Variants in EIF2B3 observed in about 807,000 individuals in gnomAD.
EIF2B3 encodes the protein translation initiation factor eIF2B subunit gamma.
In EIF2B3, 20 loss-of-function variants were observed where a neutral mutation model predicts 54.1. That is an observed-to-expected ratio of 0.37 (90% CI 0.26 to 0.54). EIF2B3 has a LOEUF of 0.54. Ranked by LOEUF, EIF2B3 falls within the 20% of genes least tolerant of loss-of-function variation. The pLI, the probability that EIF2B3 is intolerant of heterozygous loss-of-function variation, is 0.86. For synonymous variants in EIF2B3, 153 were observed against 188.1 expected (o/e 0.81, Z 1.52); for missense variants, 448 against 547.8 (o/e 0.82, Z 1.82).
rs189712269 is a variant in EIF2B3, at chr1:44,940,473, A to T, written c.454+1033T>A. On this transcript the variant is annotated intron_variant, in intron 4 of 11. Transcript: ENST00000360403. ...TTATAATCCTAGGAAGATAAGCATG[A>T]TTAACAACTATCAGCTGGGCACAGT... Among the ~76,000 whole-genome samples, 788 of 152,312 alleles carry T rather than the reference A, an allele frequency of 5.2e-3. 10 individuals are homozygous for T. Among genetic ancestry groups the T allele is most frequent in the African/African-American group, 0.018 (757 of 41,562 alleles).
intron 6 of EIF2B3, among the ~76,000 whole-genome samples, chr1:44,886,435 TA>T (rs1655587369): frequency 6.6e-6 from 1 of 152,150 alleles, no homozygotes; most frequent in Non-Finnish European, 1.5e-5. Flanking sequence ...TATATGAAAA[TA>T]AAACAATGGA....
Position 44,899,024 on chromosome 1 carries a change from T to C in EIF2B3, c.567-1580A>G, listed in dbSNP as rs938706916. ...TATTTTTGTATGGGGCTTCACCATG[T>C]TGCCTAGGCTAATCTTGAACTCCCA... On this transcript the variant is annotated intron_variant, in intron 5 of 11. Transcript: ENST00000360403. Among the ~76,000 whole-genome samples the C allele has an allele frequency of 4.1e-4, 62 of 152,182 alleles. 3 individuals are homozygous for C. Among genetic ancestry groups the C allele is most frequent in the South Asian group, 4.1e-4 (2 of 4,826 alleles).
Position 44,910,631 on chromosome 1 carries a change from CTTTTTT to C in EIF2B3, c.567-13193_567-13188del, listed in dbSNP as rs60757270. Among the ~76,000 whole-genome samples the C allele has an allele frequency of 2.1e-4, 13 of 61,408 alleles. No homozygotes were observed. The East Asian group carries it at 9.4e-3, about 44-fold the overall frequency. 40.3% of individuals were successfully genotyped at this position (61,408 alleles called of 152,430 possible). A position where few individuals can be genotyped will look rare whatever the true frequency, so the allele number is the denominator to read the frequency against. On this transcript the variant is annotated intron_variant, in intron 5 of 11. Coordinates refer to ENST00000360403, the MANE Select transcript of EIF2B3 (RefSeq NM_020365.5). ...TCCCTCCCCACCCCCCCAAGTAATG[CTTTTTT>C]TTTTTTTTTTTTTTTTTTTTAAAAG...
intron 7 of EIF2B3, among the ~76,000 whole-genome samples, chr1:44,880,995 T>G (rs1655382018): frequency 6.6e-6 from 1 of 151,818 alleles, no homozygotes; most frequent in Non-Finnish European, 1.5e-5. Context: ...ACAATGCTAG[T>G]AAGAGGCAGT....
In EIF2B3 at chr1:44,952,066, C is replaced by T. The variant is rs1442675958; in HGVS notation, c.295-10401G>A. 4.6e-4 allele frequency among the ~76,000 whole-genome samples: 58 copies of T among 127,346 alleles called. 7 individuals carry two copies. Among genetic ancestry groups the T allele is most frequent in the African/African-American group, 1.7e-3 (56 of 33,398 alleles). The allele number at this position is 127,346 out of a possible 152,430, so 83.5% of individuals were successfully genotyped here. A position where few individuals can be genotyped will look rare whatever the true frequency, so the allele number is the denominator to read the frequency against. ...CAAGCTCCGCCTCCTGGGTTCACGC[C>T]ATTCTCCTGCCTCAGCCTCCCAAGT... On this transcript the variant is annotated intron_variant, in intron 3 of 11. Transcript: ENST00000360403.
chr1:44,912,909 T>A (rs1643543786), intron 5 of EIF2B3, among the ~76,000 whole-genome samples: 1 of 152,152 alleles, frequency 6.6e-6, no homozygotes. Context: ...TTGAAGGATG[T>A]GTTCCTGAAA....
chr1:44,871,498 C>T (rs1017642311), intron 10 of EIF2B3, among the ~76,000 whole-genome samples: 4 of 152,244 alleles, frequency 2.6e-5, no homozygotes, highest in Non-Finnish European at 5.9e-5. Flanking sequence ...CCTTGTCCAT[C>T]TGCATGTATA....
intron 3 of EIF2B3, among the ~76,000 whole-genome samples, chr1:44,944,597 A>T (rs757202790): frequency 7.2e-5 from 11 of 152,154 alleles, no homozygotes; most frequent in Non-Finnish European, 1.2e-4. Flanking sequence ...GTTTGAGGCC[A>T]GCCTGAACAA....
At chr1:44,877,206 A>AAAAAAAAAC (rs1557666508) in intron 8 of EIF2B3, among the ~76,000 whole-genome samples, 2 of 145,322 alleles carry the variant, frequency 1.4e-5, no homozygotes, top group African/African-American at 5.1e-5. Flanking sequence ...AAAAAAAAAA[A>AAAAAAAAAC]AAAAAAAAAA....
intron 3 of EIF2B3, among the ~76,000 whole-genome samples, chr1:44,962,165 C>T (rs1644291220): frequency 6.6e-6 from 1 of 151,854 alleles, no homozygotes. Flanking sequence ...GCACTCCAGC[C>T]TGGGTGACAA....
intron 6 of EIF2B3, among the ~76,000 whole-genome samples, chr1:44,896,291 G>C (rs1655968084): frequency 1.3e-5 from 2 of 152,140 alleles, no homozygotes; most frequent in Admixed American, 1.3e-4. Flanking sequence ...AACAATCCTT[G>C]GGAAAGCTTT....
rs776505832 is a variant in EIF2B3 at position 44,879,858 on chromosome 1, C to T, written c.935G>A (p.Arg312Gln). 9 of 1,614,040 alleles carry T rather than the reference C, an allele frequency of 5.6e-6. No homozygotes were observed. The highest frequency in any genetic ancestry group is 2.2e-5 in the East Asian group (1 of 44,894). The change falls in exon 8 of 12, where the codon CGA (arginine) becomes CAA (glutamine). Residue 312 changes from arginine (R) to glutamine (Q), a missense_variant. Coordinates refer to ENST00000360403, the MANE Select transcript of EIF2B3 (RefSeq NM_020365.5). ...CATGTAGAGTCCCAGTGTGCTCACTCGAGAGCAGAGCCCCTCTTTCATGAT... is the reference window on the plus strand; with the variant it reads ...CATGTAGAGTCCCAGTGTGCTCACTTGAGAGCAGAGCCCCTCTTTCATGAT... ...VHIMKEGLCS[R>Q]VSTLGLYMEA...
intron 4 of EIF2B3, among the ~76,000 whole-genome samples, chr1:44,937,546 G>A (rs1391941394): frequency 2.6e-5 from 4 of 152,146 alleles, no homozygotes; most frequent in Admixed American, 2.6e-4. Context: ...TGTGTTCGGA[G>A]GAGAAAGGGA....
chr1:44,930,746 T>G (rs1643890142), intron 4 of EIF2B3, among the ~76,000 whole-genome samples: 1 of 152,202 alleles, frequency 6.6e-6, no homozygotes, highest in Admixed American at 6.5e-5. Context: ...GTTCAAGCAA[T>G]TCTCCTGCCT....
At chr1:44,964,970 C>T (rs1331724571) in intron 3 of EIF2B3, among the ~76,000 whole-genome samples, 1 of 152,160 alleles carries the variant, frequency 6.6e-6, no homozygotes, top group African/African-American at 2.4e-5. Context: ...GCACCAATGG[C>T]TGGTTACCCC....
chr1:44,928,503 T>C (rs567648405), intron 4 of EIF2B3, among the ~76,000 whole-genome samples: 4 of 151,298 alleles, frequency 2.6e-5, no homozygotes, highest in Non-Finnish European at 5.9e-5. Context: ...GCGCTTCGTT[T>C]TTTTTTTTTT....
intron 5 of EIF2B3, among the ~76,000 whole-genome samples, chr1:44,898,344 G>A (rs1003019984): frequency 6.6e-6 from 1 of 152,106 alleles, no homozygotes; most frequent in Non-Finnish European, 1.5e-5. Context: ...TAAAGAAATA[G>A]ACTATTTACT....
At chr1:44,885,857 T>TA (rs1465815381) in intron 6 of EIF2B3, among the ~76,000 whole-genome samples, 1 of 147,952 alleles carries the variant, frequency 6.8e-6, no homozygotes, top group African/African-American at 2.5e-5. Context: ...GCCTCAGCCT[T>TA]TTGAGTAGCT....
rs1244157208 is a variant in EIF2B3, at chr1:44,954,653, AC to A, written c.295-12989del. Among the ~76,000 whole-genome samples, 7 of 152,278 alleles carry A rather than the reference AC, an allele frequency of 4.6e-5. No individual in the cohort carries two copies. The South Asian group carries it at 1.2e-3, about 27-fold the overall frequency. On this transcript the variant is annotated intron_variant, in intron 3 of 11. Coordinates refer to ENST00000360403, the MANE Select transcript of EIF2B3 (RefSeq NM_020365.5). The stretch of plus-strand genomic sequence containing the variant: ...GGACGATGGGGTTTTCTAAATACAC[AC>A]CCATGTCATCTGCAAATAGAGACAA...
Sources: gnomAD v4.1 joint callset for allele counts (sites outside exome capture counted in the v4.1 genomes callset) on GRCh38, gnomAD v4.1.1 for gene constraint, MANE v1.5 for transcripts, NCBI Gene and HGNC (gene_info 2026-07-23, HGNC 2026-07-21) for gene names.